COL5A2: variants seen among roughly 807,000 people sequenced by gnomAD.
COL5A2 encodes the protein collagen alpha-2(V) chain.
Under a neutral mutation model 208.2 loss-of-function variants are expected in COL5A2, and 23 were observed. That is an observed-to-expected ratio of 0.11 (90% CI 0.08 to 0.16). COL5A2 has a LOEUF of 0.16. COL5A2 is among the 10% of genes least tolerant of loss of function. COL5A2 has a pLI of 1.00. For missense variants in COL5A2, 1,590 were observed against 1,956.4 expected, an observed-to-expected ratio of 0.81 and a Z score of 3.53; for synonymous variants, 625 against 628.5, an observed-to-expected ratio of 0.99 and a Z score of 0.08.
At chr2:189,146,066 T>C (rs1304969555) in intron 1 of COL5A2, among the ~76,000 whole-genome samples, 2 of 152,084 alleles carry the variant, frequency 1.3e-5, no homozygotes, top group East Asian at 3.9e-4. Context: ...ATTAGAATGA[T>C]GATATCTTCA....
At chr2:189,258,799 G>A in the COL5A2 span, among the ~76,000 whole-genome samples, 1 of 152,170 alleles carries the variant, frequency 6.6e-6, no homozygotes, top group Non-Finnish European at 1.5e-5. Context: ...ATGGTGGAAT[G>A]AGAAGAACAT....
the COL5A2 span, among the ~76,000 whole-genome samples, chr2:189,305,222 T>A: frequency 5.9e-5 from 9 of 152,218 alleles, no homozygotes; most frequent in Non-Finnish European, 1.5e-5. Context: ...ATAAAGTAGT[T>A]CTGGTAGGAA....
chr2:189,070,290 G>C (rs1013259775), intron 18 of COL5A2, among the ~76,000 whole-genome samples: 4 of 152,086 alleles, frequency 2.6e-5, no homozygotes, highest in African/African-American at 9.7e-5. Context: ...CTAAGCCTTA[G>C]GAATCTCATC....
chr2:189,416,289 T>C, the COL5A2 span, among the ~76,000 whole-genome samples: 1 of 152,162 alleles, frequency 6.6e-6, no homozygotes, highest in Non-Finnish European at 1.5e-5. Flanking sequence ...CTATTCACAA[T>C]AGCAAAGACT....
chr2:189,145,304 T>C (rs891444678), intron 1 of COL5A2, among the ~76,000 whole-genome samples: 2 of 152,108 alleles, frequency 1.3e-5, no homozygotes, highest in Non-Finnish European at 2.9e-5. Flanking sequence ...GAATGATACA[T>C]TTCTTGACCA....
intron 8 of COL5A2, among the ~76,000 whole-genome samples, chr2:189,087,598 A>G (rs11683813): frequency 0.96 from 143,655 of 150,370 alleles, 68,729 homozygotes; most frequent in Non-Finnish European, 0.98. Context: ...GACTACAGGC[A>G]CCTGCCACCA....
intron 17 of COL5A2, among the ~76,000 whole-genome samples, chr2:189,074,354 A>T (rs1354642922): frequency 1.3e-5 from 2 of 152,120 alleles, no homozygotes; most frequent in African/African-American, 4.8e-5. Flanking sequence ...TTAAAGGTTC[A>T]TAGTTACAGA....
intron 1 of COL5A2, among the ~76,000 whole-genome samples, chr2:189,224,804 C>A (rs1689392479): frequency 6.6e-6 from 1 of 151,724 alleles, no homozygotes; most frequent in Admixed American, 6.6e-5. Flanking sequence ...TTCTATGCAT[C>A]CAAAAACCAT....
chr2:189,052,704 C>G (rs1400291916), intron 40 of COL5A2, 45 bp downstream of exon 40: 1 of 1,578,060 alleles, frequency 6.3e-7, no homozygotes, highest in Non-Finnish European at 8.7e-7. Flanking sequence ...CACTAGGTAA[C>G]TAGAATTAGC....
chr2:189,314,218 A>G, the COL5A2 span, among the ~76,000 whole-genome samples: 4 of 152,224 alleles, frequency 2.6e-5, no homozygotes, highest in African/African-American at 4.8e-5. Context: ...AGCAAATTCA[A>G]AAGACCTGAA....
At chr2:189,254,061 T>A in the COL5A2 span, among the ~76,000 whole-genome samples, 1 of 152,364 alleles carries the variant, frequency 6.6e-6, no homozygotes, top group African/African-American at 2.4e-5. Flanking sequence ...CAATACTTAC[T>A]TCTAATGTTT....
chr2:189,033,174 T>C lies in COL5A2; in HGVS notation c.*896A>G, dbSNP rs905143091. 3 of 152,598 alleles carry C rather than the reference T, an allele frequency of 2.0e-5. No individual in the cohort carries two copies. The highest frequency in any genetic ancestry group is 2.0e-4 in the Admixed American group (3 of 15,268). 9.5% of individuals were successfully genotyped at this position (152,598 alleles called of 1,614,324 possible). On this transcript the variant is annotated 3_prime_UTR_variant, in exon 54 of 54. Transcript: ENST00000374866. The stretch of plus-strand genomic sequence containing the variant: ...CTTCAGGATGATGAGATTGTACATG[T>C]GGAAGAGTCTCAATTTAGAGTCCTT...
intron 17 of COL5A2, among the ~76,000 whole-genome samples, chr2:189,073,410 A>G (rs1039373423): frequency 1.3e-5 from 2 of 152,132 alleles, no homozygotes; most frequent in Non-Finnish European, 2.9e-5. Context: ...ATTACAAAAC[A>G]CCACTTCTTG....
At chr2:189,174,398 G>C (rs1209714973) in intron 1 of COL5A2, among the ~76,000 whole-genome samples, 3 of 152,196 alleles carry the variant, frequency 2.0e-5, no homozygotes, top group African/African-American at 7.2e-5. Context: ...TTTTCCAGAA[G>C]TGATGGTGAC....
chr2:189,108,738 C>T (rs72908324), intron 2 of COL5A2, among the ~76,000 whole-genome samples: 19,923 of 151,688 alleles, frequency 0.13, 1,339 homozygotes, highest in Middle Eastern at 0.19. Flanking sequence ...TCAGGGTTAT[C>T]CCTTGCTTGC....
At chr2:189,280,867 C>G in the COL5A2 span, among the ~76,000 whole-genome samples, 1 of 152,022 alleles carries the variant, frequency 6.6e-6, no homozygotes, top group Non-Finnish European at 1.5e-5. Context: ...AACTCTTCCA[C>G]TTAAGAAAGC....
the COL5A2 span, among the ~76,000 whole-genome samples, chr2:189,246,903 T>C: frequency 6.6e-6 from 1 of 152,170 alleles, no homozygotes; most frequent in South Asian, 2.1e-4. Flanking sequence ...CTATGGTCTT[T>C]GAGAAAGAGA....
At chr2:189,244,574 C>T in the COL5A2 span, among the ~76,000 whole-genome samples, 2 of 152,232 alleles carry the variant, frequency 1.3e-5, no homozygotes, top group African/African-American at 4.8e-5. Context: ...AGTTCCTCAT[C>T]TCCATGTGAG....
At chr2:189,435,033 C>T in the COL5A2 span, among the ~76,000 whole-genome samples, 404 of 152,260 alleles carry the variant, frequency 2.7e-3, no homozygotes, top group African/African-American at 9.2e-3. Flanking sequence ...ATGTCTACAA[C>T]CATCTGATCT....
Sources: gnomAD v4.1 joint callset for allele counts (sites outside exome capture counted in the v4.1 genomes callset) on GRCh38, gnomAD v4.1.1 for gene constraint, MANE v1.5 for transcripts, NCBI Gene and HGNC (gene_info 2026-07-23, HGNC 2026-07-21) for gene names.